The following CCNI variants were observed in gnomAD, a reference collection of about 807,000 sequenced individuals.
The protein encoded by CCNI is cyclin-I.
A neutral mutation model predicts 34.1 loss-of-function variants in CCNI; 14 were observed. The observed-to-expected ratio is 0.41, with a 90% CI of 0.27 to 0.64. The LOEUF is 0.64. Among genes scored for constraint, CCNI ranks in the 30% least tolerant of loss-of-function variants. CCNI has a pLI of 0.31. For synonymous variants in CCNI, 154 were observed against 158.4 expected (o/e 0.97, Z 0.21); for missense variants, 385 against 440.5 (o/e 0.87, Z 1.13).
At chr4:77,048,719 C>G (rs992556258) in intron 6 of CCNI, 57 bp from the exon 7 acceptor site, 6 of 1,313,806 alleles carry the variant, frequency 4.6e-6, no homozygotes, top group Non-Finnish European at 5.1e-6. Flanking sequence ...ACATAGGCTG[C>G]TCTGTTATCT....
chr4:77,069,205 C>G (rs4252812), intron 1 of CCNI, among the ~76,000 whole-genome samples: 2,545 of 152,194 alleles, frequency 0.017, 77 homozygotes, highest in African/African-American at 0.058. Context: ...TTGCTTGAGT[C>G]AAGGAGTTCG....
At chr4:77,075,451 G>A in intron 1 of CCNI, 21 bp downstream of exon 1, 3 of 644,928 alleles carry the variant, frequency 4.7e-6, no homozygotes, top group Non-Finnish European at 5.7e-6. Context: ...TCGAGCCCCC[G>A]CCCCCGCCCC....
intron 2 of CCNI, among the ~76,000 whole-genome samples, chr4:77,061,977 C>A (rs1258916613): frequency 5.9e-5 from 9 of 152,118 alleles, no homozygotes; most frequent in Non-Finnish European, 8.8e-5. Flanking sequence ...CTATGACCTA[C>A]CTCTCTAACC....
In CCNI at chr4:77,075,645, G is replaced by A; in HGVS notation, c.-217C>T. 5.6e-6 allele frequency: 4 copies of A among 712,396 alleles called. No homozygotes were observed. Among genetic ancestry groups the A allele is most frequent in the East Asian group, 1.6e-4 (1 of 6,290 alleles). The allele number at this position is 712,396 out of a possible 1,614,324, so 44.1% of individuals were successfully genotyped here. ...GGAGAAAGGGGAAGCGGATCGGGGG[G>A]CGCGGGCGCGGGCGCTGGCGCTCGA... On this transcript the variant is annotated 5_prime_UTR_variant, in exon 1 of 7. Coordinates refer to ENST00000237654, the MANE Select transcript of CCNI (RefSeq NM_006835.3).
chr4:77,073,608 T>C (rs147899665), intron 1 of CCNI, among the ~76,000 whole-genome samples: 2 of 152,340 alleles, frequency 1.3e-5, no homozygotes, highest in East Asian at 3.9e-4. Context: ...TCCAAGTGTA[T>C]GCTCTTTCCC....
In CCNI at chr4:77,066,566, A is replaced by G. The variant is rs139820427; in HGVS notation, c.-43-161T>C. ...TATTAAAATACCAAAATAATCAGTT[A>G]TCTAAAACATTCACACTTGAAATCT... On this transcript the variant is annotated intron_variant, in intron 1 of 6. Coordinates refer to ENST00000237654, the MANE Select transcript of CCNI (RefSeq NM_006835.3). 7.0e-3 allele frequency among the ~76,000 whole-genome samples: 1,068 copies of G among 152,380 alleles called. 6 individuals are homozygous for G. Among genetic ancestry groups the G allele is most frequent in the Middle Eastern group, 0.014 (4 of 294 alleles).
At chr4:77,073,597 T>C (rs1454930536) in intron 1 of CCNI, among the ~76,000 whole-genome samples, 2 of 152,198 alleles carry the variant, frequency 1.3e-5, no homozygotes, top group East Asian at 3.9e-4. Flanking sequence ...GTATTTGCAA[T>C]TCCAAGTGTA....
At chr4:77,062,431 G>A (rs189449941) in intron 2 of CCNI, among the ~76,000 whole-genome samples, 2 of 152,050 alleles carry the variant, frequency 1.3e-5, no homozygotes, top group African/African-American at 4.8e-5. Context: ...ATGGTGGTGC[G>A]TGCCTGTTAC....
intron 2 of CCNI, among the ~76,000 whole-genome samples, chr4:77,062,555 G>A (rs1026593174): frequency 1.4e-4 from 21 of 149,312 alleles, no homozygotes; most frequent in African/African-American, 5.0e-4. Context: ...GCAAGACCCT[G>A]TCTCAGAAAA....
At chr4:77,073,995 CTTT>C (rs4252779) in intron 1 of CCNI, among the ~76,000 whole-genome samples, 10 of 151,778 alleles carry the variant, frequency 6.6e-5, no homozygotes, top group African/African-American at 2.4e-4. Flanking sequence ...GTGGAAAGCC[CTTT>C]TTTTCTAGTT....
chr4:77,066,745 C>G (rs1729062466), intron 1 of CCNI, among the ~76,000 whole-genome samples: 1 of 152,118 alleles, frequency 6.6e-6, no homozygotes, highest in Non-Finnish European at 1.5e-5. Flanking sequence ...CCAAACATTC[C>G]TCTTAAAAAC....
At chr4:77,064,889 T>C (rs1002970388) in intron 2 of CCNI, 2 of 152,112 alleles carry the variant, frequency 1.3e-5, no homozygotes, top group Non-Finnish European at 2.9e-5. Flanking sequence ...ATGTTGACCA[T>C]GGCTGGTCTC....
chr4:77,061,915 C>T (rs189503436), intron 2 of CCNI, among the ~76,000 whole-genome samples: 1 of 152,228 alleles, frequency 6.6e-6, no homozygotes, highest in East Asian at 1.9e-4. Context: ...GTGATCCACC[C>T]GCCTCGGCCT....
Position 77,047,306 on chromosome 4 carries a change from A to G in CCNI, c.*913T>C, listed in dbSNP as rs150889879. ...GGAGGCAGGGGGAGTAAGTTCTATT[A>G]GAAAATCCTAATAGCTTAACAAAAC... On this transcript the variant is annotated 3_prime_UTR_variant, in exon 7 of 7. Transcript: ENST00000237654. The G allele has an allele frequency of 2.0e-5, 3 of 152,346 alleles. No individual in the cohort carries two copies. Among genetic ancestry groups the G allele is most frequent in the South Asian group, 2.1e-4 (1 of 4,826 alleles). 9.4% of individuals were successfully genotyped at this position (152,346 alleles called of 1,614,324 possible). A position where few individuals can be genotyped will look rare whatever the true frequency, so the allele number is the denominator to read the frequency against.
intron 6 of CCNI, among the ~76,000 whole-genome samples, chr4:77,052,777 T>A (rs1231332525): frequency 6.6e-6 from 1 of 152,136 alleles, no homozygotes; most frequent in East Asian, 1.9e-4. Flanking sequence ...CACAAAGATA[T>A]TAGACCTGGT....
Position 77,048,360 on chromosome 4 carries a change from A to G in CCNI, c.993T>C (p.Asp331=), listed in dbSNP as rs1727582427. 1 of 1,613,994 alleles carries G rather than the reference A, an allele frequency of 6.2e-7. No individual in the cohort carries two copies. The highest frequency in any genetic ancestry group is 8.5e-7 in the Non-Finnish European group (1 of 1,180,014). Reference sequence around the variant, plus strand: ...GCCGTTTGATTCCATCATAGAAGTCATCCACTTCCATTTCCTCTACTTTGC... The same window carrying G: ...GCCGTTTGATTCCATCATAGAAGTCGTCCACTTCCATTTCCTCTACTTTGC... ...TKRKVEEMEV[D]DFYDGIKRLY... The change falls in exon 7 of 7, where the codon GAT becomes GAC. Residue 331 remains aspartate (D), a synonymous_variant. Transcript: ENST00000237654.
intron 6 of CCNI, among the ~76,000 whole-genome samples, chr4:77,054,565 A>G (rs1728080795): frequency 6.6e-6 from 1 of 152,184 alleles, no homozygotes. Context: ...TCTCCACTGA[A>G]CCTTTACATT....
chr4:77,059,710 A>G (rs1379974308), intron 2 of CCNI, among the ~76,000 whole-genome samples: 1 of 152,108 alleles, frequency 6.6e-6, no homozygotes, highest in Non-Finnish European at 1.5e-5. Flanking sequence ...GAACACTAGA[A>G]GTTATTCCTC....
chr4:77,072,887 T>C (rs1016305340), intron 1 of CCNI, among the ~76,000 whole-genome samples: 1 of 152,166 alleles, frequency 6.6e-6, no homozygotes. Flanking sequence ...TCATAATGTA[T>C]GTTCCACATA....
Sources: allele counts gnomAD v4.1 joint callset (sites outside exome capture counted in the v4.1 genomes callset), GRCh38; gene constraint gnomAD v4.1.1; transcripts MANE v1.5; gene names NCBI Gene and HGNC (gene_info 2026-07-23, HGNC 2026-07-21).